The following ZNF517 variants were observed in gnomAD, a reference collection of about 807,000 sequenced individuals.
ZNF517 encodes the protein zinc finger protein 517.
ZNF517 carries 12 observed loss-of-function variants against 12.1 expected under a neutral mutation model. The ratio of observed to expected loss-of-function variants is 0.99; its 90% CI spans 0.63 to 1.61. The LOEUF (loss-of-function observed/expected upper bound fraction) is 1.61. Ranked by LOEUF, ZNF517 falls within the 40% of genes most tolerant of loss-of-function variation. The pLI, the probability that ZNF517 is intolerant of heterozygous loss-of-function variation, is 0.00. For missense variants in ZNF517, 781 were observed against 693.2 expected (o/e 1.13, Z -1.42); for synonymous variants, 388 against 310.2 (o/e 1.25, Z -2.63).
chr8:144,810,100 C>T (rs571013047), downstream of ZNF517: 131 of 623,400 alleles, frequency 2.1e-4, no homozygotes, highest in East Asian at 2.9e-3. Context: ...GGTTTTGTCT[C>T]TCTAGAGGAC....
At position 144,808,555 on chromosome 8, in the gene ZNF517, G is replaced by A; in HGVS notation, c.*160G>A. ...CGGCTTCTTGCTCCAGCCGGGCACT[G>A]GGGAGGGAAAGGGCACCAGGCAGCC... On this transcript the variant is annotated 3_prime_UTR_variant, in exon 5 of 5. Transcript: ENST00000359971. The A allele has an allele frequency of 9.0e-7, 1 of 1,116,536 alleles. No individual in the cohort carries two copies. The highest frequency in any genetic ancestry group is 1.2e-6 in the Non-Finnish European group (1 of 863,292). 69.2% of individuals were successfully genotyped at this position (1,116,536 alleles called of 1,614,324 possible).
downstream of ZNF517, among the ~76,000 whole-genome samples, chr8:144,812,948 A>C (rs958323681): frequency 6.6e-6 from 1 of 152,156 alleles, no homozygotes; most frequent in African/African-American, 2.4e-5. Flanking sequence ...TCTACATACC[A>C]AACTACCAAA....
chr8:144,804,235 A>G lies in ZNF517; in HGVS notation c.271A>G (p.Thr91Ala), dbSNP rs1311682799. ...GAGCGTGGCCAAAGCCAGCCTGTGC[A>G]CAGGTGAGTACAAAGCACCCACAGG... ...EQSVAKASLCTDSRMEAGIME... is the reference protein window; with the variant it reads ...EQSVAKASLCADSRMEAGIME... Residue 91 changes from threonine (T) to alanine (A), a missense_variant, in exon 4 of 5, where the codon ACA becomes GCA. Physicochemically the swap from Thr to Ala is moderately conservative, Grantham distance 58 (BLOSUM62 0). Coordinates refer to ENST00000359971, the MANE Select transcript of ZNF517 (RefSeq NM_213605.3). The G allele has an allele frequency of 2.5e-6, 4 of 1,612,722 alleles. No individual in the cohort carries two copies. Among genetic ancestry groups the G allele is most frequent in the Non-Finnish European group, 3.4e-6 (4 of 1,179,374 alleles).
At chr8:144,803,265 C>A (rs573177403) in intron 2 of ZNF517, 20 of 486,036 alleles carry the variant, frequency 4.1e-5, no homozygotes, top group South Asian at 5.7e-5. Context: ...AGCCCATCCT[C>A]CCTCTCCTGA....
downstream of ZNF517, among the ~76,000 whole-genome samples, chr8:144,811,567 C>A (rs1438646023): frequency 9.8e-6 from 1 of 102,472 alleles, no homozygotes; most frequent in African/African-American, 4.0e-5. Context: ...AGACTGCAGC[C>A]TGGAAGCAAA....
In ZNF517 at chr8:144,810,076, T is replaced by C. The variant is rs954909843; in HGVS notation, c.*1681T>C. Reference sequence around the variant, plus strand: ...TCAAACAAATAAAAATCCCCTCTCCTAAACTCCATTATTGGTTTTGTCTCT... The same window carrying C: ...TCAAACAAATAAAAATCCCCTCTCCCAAACTCCATTATTGGTTTTGTCTCT... On this transcript the variant is annotated 3_prime_UTR_variant, in exon 5 of 5. Transcript: ENST00000359971. 1 of 555,956 alleles carries C rather than the reference T, an allele frequency of 1.8e-6. No homozygotes were observed. The highest frequency in any genetic ancestry group is 3.3e-6 in the Non-Finnish European group (1 of 300,578). 34.4% of individuals were successfully genotyped at this position (555,956 alleles called of 1,614,324 possible). A position where few individuals can be genotyped will look rare whatever the true frequency, so the allele number is the denominator to read the frequency against.
chr8:144,804,099 G>A (rs1243862074), intron 3 of ZNF517, 26 bp from the exon 4 acceptor site: 2 of 1,609,006 alleles, frequency 1.2e-6, no homozygotes, highest in Admixed American at 1.7e-5. Context: ...GTACTGATAC[G>A]TGCTGCTTTC....
chr8:144,807,418 G>T lies in ZNF517; in HGVS notation c.502G>T (p.Gly168Cys). The T allele has an allele frequency of 1.3e-6, 2 of 1,566,046 alleles. No individual in the cohort carries two copies. Among genetic ancestry groups the T allele is most frequent in the East Asian group, 4.8e-5 (2 of 41,594 alleles). Residue 168 changes from glycine to cysteine, a missense_variant, in exon 5 of 5, where the codon GGC becomes TGC. Gly to Cys is a radical substitution (Grantham distance 159). Transcript: ENST00000359971. ...CCCAAGGGTTCTGCAGGAAGACCTG[G>T]GCCGGCCTGTGGGGAGCTCAGCCCC... is the stretch of plus-strand genomic sequence containing the variant. The part of the protein sequence containing the change: ...ASPRVLQEDL[G>C]RPVGSSAPRY...
intron 4 of ZNF517, among the ~76,000 whole-genome samples, chr8:144,805,475 C>T (rs569604644): frequency 1.6e-4 from 25 of 151,970 alleles, no homozygotes; most frequent in South Asian, 1.2e-3. Flanking sequence ...GGACTACAGG[C>T]GCCCGCCACC....
In ZNF517 at chr8:144,807,860, G is replaced by A. The variant is rs778968395; in HGVS notation, c.944G>A (p.Arg315Gln). ...NEHGRIHSGE[R>Q]PYRCLRCGQR... ...CACGGCCGCATCCACAGCGGGGAGC[G>A]GCCCTACCGGTGCCTGCGGTGTGGG... The change falls in exon 5 of 5, where the codon CGG (arginine) becomes CAG (glutamine). Residue 315 changes from arginine (R) to glutamine (Q), a missense_variant. Physicochemically the swap from Arg to Gln is conservative, Grantham distance 43 (BLOSUM62 1). Coordinates refer to ENST00000359971, the MANE Select transcript of ZNF517 (RefSeq NM_213605.3). 5.7e-6 allele frequency: 9 copies of A among 1,581,966 alleles called. No individual in the cohort carries two copies. The highest frequency in any genetic ancestry group is 1.8e-5 in the Admixed American group (1 of 56,732).
chr8:144,812,305 C>T (rs1827581908), downstream of ZNF517, among the ~76,000 whole-genome samples: 1 of 115,818 alleles, frequency 8.6e-6, no homozygotes, highest in South Asian at 3.1e-4. Flanking sequence ...GAGACACGGA[C>T]AGTAAAGCTC....
rs754474284 is a variant in ZNF517 at position 144,808,265 on chromosome 8, G to A, written c.1349G>A (p.Arg450Lys). The A allele has an allele frequency of 4.4e-6, 7 of 1,583,670 alleles. No individual in the cohort carries two copies. The highest frequency in any genetic ancestry group is 6.0e-6 in the Non-Finnish European group (7 of 1,163,784). ...CACTACCGGCTCCACAGCGGCGAGA[G>A]GCCATACCGGTGCCGCGCCTGCGGG... ...NEHYRLHSGE[R>K]PYRCRACGRA... The change falls in exon 5 of 5, where the codon AGG becomes AAG. Residue 450 changes from arginine to lysine, a missense_variant. Coordinates refer to ENST00000359971, the MANE Select transcript of ZNF517 (RefSeq NM_213605.3).
intron 4 of ZNF517, 30 bp downstream of exon 4, chr8:144,804,268 C>T: frequency 7.6e-6 from 12 of 1,579,648 alleles, no homozygotes; most frequent in Non-Finnish European, 1.0e-5. Context: ...AGGGCGTGTC[C>T]TGTGCTGCCA....
chr8:144,800,615 G>T, intron 1 of ZNF517: 2 of 985,394 alleles, frequency 2.0e-6, no homozygotes, highest in Non-Finnish European at 2.4e-6. Flanking sequence ...GGTGGGTCCT[G>T]CCACAGACTG....
At chr8:144,804,070 G>C (rs980969201) in intron 3 of ZNF517, 55 bp from the exon 4 acceptor site, 20 of 1,544,844 alleles carry the variant, frequency 1.3e-5, no homozygotes, top group Non-Finnish European at 1.7e-5. Flanking sequence ...CAGGCACCTG[G>C]GCGTCCCTTC....
Position 144,807,687 on chromosome 8 carries a change from C to T in ZNF517, c.771C>T (p.Arg257=), listed in dbSNP as rs777356569. ...QLAAHHRVHT[R]ERPYACGECG... ...CTGCCCACCACCGCGTCCACACCCG[C>T]GAGCGGCCCTACGCATGCGGCGAGT... is the stretch of plus-strand genomic sequence containing the variant. The change falls in exon 5 of 5, where the codon CGC becomes CGT. Residue 257 remains arginine, a synonymous_variant. Transcript: ENST00000359971. The T allele has an allele frequency of 1.2e-5, 19 of 1,610,228 alleles. 1 individual carries two copies. The highest frequency in any genetic ancestry group is 3.4e-6 in the Non-Finnish European group (4 of 1,179,300).
chr8:144,805,648 C>T (rs1358558350), intron 4 of ZNF517, among the ~76,000 whole-genome samples: 7 of 125,216 alleles, frequency 5.6e-5, no homozygotes, highest in East Asian at 2.5e-4. Flanking sequence ...TTTTTTGAGA[C>T]GGAGTCTCGC....
intron 1 of ZNF517, among the ~76,000 whole-genome samples, chr8:144,802,223 C>A (rs1300497657): frequency 2.6e-5 from 4 of 152,126 alleles, no homozygotes; most frequent in African/African-American, 9.7e-5. Flanking sequence ...ACCCATTGTT[C>A]ATTTCATAAT....
rs200252349 is a variant in ZNF517 at position 144,807,895 on chromosome 8, A to C, written c.979A>C (p.Ile327Leu). 5.3e-4 allele frequency: 823 copies of C among 1,542,814 alleles called. 5 individuals are homozygous for C. The highest frequency in any genetic ancestry group is 7.1e-4 in the Admixed American group (35 of 49,100). The change falls in exon 5 of 5, where the codon ATC becomes CTC. Residue 327 changes from isoleucine to leucine, a missense_variant. Transcript: ENST00000359971. ...GTGCCTGCGGTGTGGGCAGCGCTTC[A>C]TCCGAGGGTCCTCGCTCCTGAAGCA... The part of the protein sequence containing the change: ...YRCLRCGQRF[I>L]RGSSLLKHHR...
Sources: allele counts gnomAD v4.1 joint callset (sites outside exome capture counted in the v4.1 genomes callset), GRCh38; gene constraint gnomAD v4.1.1; transcripts MANE v1.5; gene names NCBI Gene and HGNC (gene_info 2026-07-23, HGNC 2026-07-21).